Variants in PTPRN2 observed in about 807,000 individuals in gnomAD.
The protein encoded by PTPRN2 is protein tyrosine phosphatase receptor type N2.
PTPRN2 carries 74 observed loss-of-function variants against 118.8 expected under a neutral mutation model. The observed-to-expected ratio is 0.62, with a 90% confidence interval of 0.52 to 0.76. PTPRN2 has a LOEUF of 0.76. Among genes scored for constraint, PTPRN2 ranks in the 30% least tolerant of loss-of-function variants. PTPRN2 has a pLI of 0.00. For missense variants in PTPRN2, 1,481 were observed against 1,394.4 expected, an observed-to-expected ratio of 1.06 and a Z score of -0.99; for synonymous variants, 641 against 608.0, an observed-to-expected ratio of 1.05 and a Z score of -0.80.
chr7:158,261,219 C>T (rs1287901081), intron 3 of PTPRN2, among the ~76,000 whole-genome samples: 1 of 152,108 alleles, frequency 6.6e-6, no homozygotes, highest in Non-Finnish European at 1.5e-5. Context: ...GTGGCAGAGG[C>T]CAGGGTCGGC....
At chr7:158,118,231 G>T (rs1198888141) in intron 9 of PTPRN2, among the ~76,000 whole-genome samples, 1 of 152,082 alleles carries the variant, frequency 6.6e-6, no homozygotes, top group Non-Finnish European at 1.5e-5. Flanking sequence ...AATGTATAAG[G>T]ATGCAATTTT....
Position 157,648,770 on chromosome 7 carries a change from G to A in PTPRN2, c.2196+7587C>T, listed in dbSNP as rs1479759981. ...CAGTGTGCACTGAACTCGGTGGGTC[G>A]GACCCATTCACTGTGCACTGAACTC... On this transcript the variant is annotated intron_variant, in intron 14 of 22. Transcript: ENST00000389418. 6.6e-4 allele frequency among the ~76,000 whole-genome samples: 77 copies of A among 117,498 alleles called. 1 individual carries two copies. The highest frequency in any genetic ancestry group is 2.0e-3 in the African/African-American group (60 of 30,544). The allele number at this position is 117,498 out of a possible 152,430, so 77.1% of individuals were successfully genotyped here. A position where few individuals can be genotyped will look rare whatever the true frequency, so the allele number is the denominator to read the frequency against.
At chr7:158,249,821 T>G (rs1796546738) in intron 3 of PTPRN2, among the ~76,000 whole-genome samples, 1 of 152,246 alleles carries the variant, frequency 6.6e-6, no homozygotes, top group Non-Finnish European at 1.5e-5. Flanking sequence ...ATGCACTGAA[T>G]GCATTCCCAT....
At chr7:158,428,269 G>A (rs896646007) in intron 2 of PTPRN2, among the ~76,000 whole-genome samples, 2 of 152,100 alleles carry the variant, frequency 1.3e-5, no homozygotes, top group Non-Finnish European at 2.9e-5. Context: ...AGGTGGTGAA[G>A]GCACAGCGGC....
rs775228380 is a variant in PTPRN2, at chr7:157,682,856, C to T, written c.1870G>A (p.Ala624Thr). ...KFIALTLVSL[A>T]CILGVLLASG... ...GCCAGGAGGACGCCCAGGATGCAGGCGAGGGAGACCAGGGTGAGCGCGATG... is the reference window on the plus strand; with the variant it reads ...GCCAGGAGGACGCCCAGGATGCAGGTGAGGGAGACCAGGGTGAGCGCGATG... The change falls in exon 13 of 23, where the codon GCC becomes ACC. Residue 624 changes from alanine (A) to threonine (T), a missense_variant. Around this residue, in one of 3 missense-constraint regions of PTPRN2, gnomAD observed 1,115 missense variants for 994.2 expected, o/e 1.12. Coordinates refer to ENST00000389418, the MANE Select transcript of PTPRN2 (RefSeq NM_002847.5). 5.0e-6 allele frequency: 8 copies of T among 1,613,870 alleles called. No homozygotes were observed. The highest frequency in any genetic ancestry group is 1.6e-4 in the Middle Eastern group (1 of 6,082).
At chr7:158,382,812 T>C (rs1187503971) in intron 2 of PTPRN2, among the ~76,000 whole-genome samples, 1 of 152,192 alleles carries the variant, frequency 6.6e-6, no homozygotes, top group Admixed American at 6.5e-5. Context: ...GAGGTCTGAC[T>C]GCACAGAGAT....
At chr7:158,004,474 A>G (rs1311546408) in intron 11 of PTPRN2, among the ~76,000 whole-genome samples, 1 of 152,230 alleles carries the variant, frequency 6.6e-6, no homozygotes, top group Non-Finnish European at 1.5e-5. Flanking sequence ...GCTATAAATA[A>G]CACCTTAGTG....
At chr7:157,625,151 C>A (rs929978788) in intron 14 of PTPRN2, among the ~76,000 whole-genome samples, 7 of 152,176 alleles carry the variant, frequency 4.6e-5, no homozygotes, top group Admixed American at 4.6e-4. Flanking sequence ...ACTAGTACAG[C>A]CACTATAGAA....
intron 3 of PTPRN2, among the ~76,000 whole-genome samples, chr7:158,235,944 C>A (rs563988327): frequency 2.0e-5 from 3 of 152,118 alleles, no homozygotes; most frequent in Non-Finnish European, 4.4e-5. Context: ...AGGAAGCAGC[C>A]GGTGTGACCA....
chr7:157,698,626 A>T (rs1797924951), intron 12 of PTPRN2, among the ~76,000 whole-genome samples: 1 of 152,272 alleles, frequency 6.6e-6, no homozygotes, highest in South Asian at 2.1e-4. Context: ...GTCCATTAAA[A>T]GTAGCATTTT....
At chr7:158,415,169 C>T (rs1364268219) in intron 2 of PTPRN2, among the ~76,000 whole-genome samples, 1 of 152,236 alleles carries the variant, frequency 6.6e-6, no homozygotes, top group African/African-American at 2.4e-5. Flanking sequence ...CCAGAAACCA[C>T]ACCTCAACTC....
intron 12 of PTPRN2, among the ~76,000 whole-genome samples, chr7:157,811,717 C>T (rs144254504): frequency 1.8e-4 from 28 of 152,210 alleles, no homozygotes; most frequent in African/African-American, 6.3e-4. Flanking sequence ...GCCCCTGTGC[C>T]GAGACTCCAC....
At chr7:158,047,004 G>T (rs1457814152) in intron 11 of PTPRN2, among the ~76,000 whole-genome samples, 2 of 152,178 alleles carry the variant, frequency 1.3e-5, no homozygotes, top group Admixed American at 1.3e-4. Context: ...GGAGGCGAGC[G>T]GCTGCGAGGG....
At chr7:158,280,239 C>T (rs908801696) in intron 3 of PTPRN2, among the ~76,000 whole-genome samples, 3 of 152,330 alleles carry the variant, frequency 2.0e-5, no homozygotes, top group East Asian at 1.9e-4. Context: ...CGGGCCCAAT[C>T]GGAAAGCAGG....
chr7:157,872,475 C>CCACACACGCATATCCAGTGTCCTCCT (rs1171861227), intron 12 of PTPRN2, among the ~76,000 whole-genome samples: 4 of 151,152 alleles, frequency 2.6e-5, no homozygotes, highest in Admixed American at 6.6e-5. Context: ...AGTGTCCTCC[C>CCACACACGCATATCCAGTGTCCTCCT]CACACACGCA....
chr7:157,827,620 C>T (rs1369259681), intron 12 of PTPRN2, among the ~76,000 whole-genome samples: 2 of 152,226 alleles, frequency 1.3e-5, no homozygotes, highest in South Asian at 2.1e-4. Flanking sequence ...GTGGGCACTG[C>T]GTCCACAAAG....
intron 15 of PTPRN2, among the ~76,000 whole-genome samples, chr7:157,613,528 G>A (rs1011446287): frequency 7.9e-5 from 12 of 152,190 alleles, no homozygotes; most frequent in African/African-American, 2.9e-4. Flanking sequence ...CAGGGTCCGG[G>A]GCGCGTCCTC....
intron 6 of PTPRN2, among the ~76,000 whole-genome samples, chr7:158,153,329 C>G (rs1473922040): frequency 6.6e-6 from 1 of 152,190 alleles, no homozygotes; most frequent in East Asian, 1.9e-4. Context: ...ATTCAGAAAG[C>G]CCTCTGTCCT....
In PTPRN2 at chr7:157,813,856, G is replaced by A. The variant is rs1203838659; in HGVS notation, c.1788+84817C>T. ...GCTCGGGGCCAGCCAGAGCTTCTGA[G>A]CCAGGGCTGGGCCCAAGAACGTGCA... On this transcript the variant is annotated intron_variant, in intron 12 of 22. Transcript: ENST00000389418. The surrounding 1 kb of genome is among the most constrained non-coding windows in gnomAD (Gnocchi z 4.7). 6.6e-6 allele frequency among the ~76,000 whole-genome samples: 1 copy of A among 152,258 alleles called. No individual in the cohort carries two copies. Among genetic ancestry groups the A allele is most frequent in the Non-Finnish European group, 1.5e-5 (1 of 68,040 alleles).
Sources: gnomAD v4.1 joint callset for allele counts (sites outside exome capture counted in the v4.1 genomes callset) on GRCh38, gnomAD v4.1.1 for gene constraint, gnomAD v4.1.1 regional missense constraint, Gnocchi (gnomAD v3.1) non-coding constraint, MANE v1.5 for transcripts, NCBI Gene and HGNC (gene_info 2026-07-23, HGNC 2026-07-21) for gene names.